The following XIRP2 variants were observed in gnomAD, a reference collection of about 807,000 sequenced individuals.
XIRP2 encodes the protein xin actin-binding repeat-containing protein 2.
A neutral mutation model predicts 277.0 loss-of-function variants in XIRP2; 236 were observed. The ratio of observed to expected loss-of-function variants is 0.85; its 90% CI spans 0.77 to 0.95. XIRP2 has a LOEUF of 0.95. Ranked by LOEUF, XIRP2 falls within the 40% of genes least tolerant of loss-of-function variation. XIRP2 has a pLI of 0.00. For missense variants in XIRP2, 4,640 were observed against 4,157.5 expected (o/e 1.12, Z -3.19); for synonymous variants, 1,490 against 1,416.5 (o/e 1.05, Z -1.17).
intron 2 of XIRP2, among the ~76,000 whole-genome samples, chr2:167,109,963 G>A (rs1421182247): frequency 1.3e-5 from 2 of 152,064 alleles, no homozygotes; most frequent in Admixed American, 1.3e-4. Context: ...TTGGCCACAT[G>A]TATGTCTTCT....
At chr2:166,987,774 AAG>A (rs1390906612) in intron 2 of XIRP2, among the ~76,000 whole-genome samples, 1 of 152,208 alleles carries the variant, frequency 6.6e-6, no homozygotes, top group Non-Finnish European at 1.5e-5. Flanking sequence ...GGTCTACTTG[AAG>A]GAGTTCTCAA....
intron 2 of XIRP2, among the ~76,000 whole-genome samples, chr2:167,126,461 A>G (rs1249168611): frequency 6.6e-6 from 1 of 152,134 alleles, no homozygotes; most frequent in African/African-American, 2.4e-5. Context: ...AAGGTACATT[A>G]CACAGGAGCA....
Position 167,179,323 on chromosome 2 carries a change from GT to G in XIRP2, c.563-31397del, listed in dbSNP as rs374760800. On this transcript the variant is annotated intron_variant, in intron 3 of 10. Coordinates refer to ENST00000409195, the MANE Select transcript of XIRP2 (RefSeq NM_152381.6). Reference sequence around the variant, plus strand: ...ACATTAATCATTTTCTTTTTTTCTTGTTTTTTTTTTTTTTTGAGACAAAGTC... The same window carrying G: ...ACATTAATCATTTTCTTTTTTTCTTGTTTTTTTTTTTTTTGAGACAAAGTC... Among the ~76,000 whole-genome samples the G allele has an allele frequency of 4.1e-3, 499 of 120,444 alleles. 4 individuals carry two copies. The highest frequency in any genetic ancestry group is 0.012 in the African/African-American group (372 of 31,650). 79.0% of individuals were successfully genotyped at this position (120,444 alleles called of 152,430 possible).
At chr2:167,010,512 C>G (rs934529794) in intron 2 of XIRP2, among the ~76,000 whole-genome samples, 1 of 152,028 alleles carries the variant, frequency 6.6e-6, no homozygotes, top group Non-Finnish European at 1.5e-5. Flanking sequence ...GTGATGCCTC[C>G]AGCTTTGTTC....
At chr2:166,938,805 A>G (rs1339062767) in intron 2 of XIRP2, among the ~76,000 whole-genome samples, 1 of 152,108 alleles carries the variant, frequency 6.6e-6, no homozygotes, top group Non-Finnish European at 1.5e-5. Context: ...TATATTTAGG[A>G]TAGTTAGCTC....
intron 2 of XIRP2, among the ~76,000 whole-genome samples, chr2:167,037,513 T>TGGGG (rs201439550): frequency 3.1e-4 from 42 of 136,676 alleles, no homozygotes; most frequent in Middle Eastern, 7.5e-3. Context: ...TTTTTTCATG[T>TGGGG]GGGGGGTGTG....
chr2:167,057,047 G>A (rs149453157), intron 2 of XIRP2, among the ~76,000 whole-genome samples: 1 of 152,164 alleles, frequency 6.6e-6, no homozygotes, highest in African/African-American at 2.4e-5. Flanking sequence ...GAGTTGGCTT[G>A]GTATATTTAA....
intron 4 of XIRP2, among the ~76,000 whole-genome samples, chr2:167,214,908 C>T (rs773265994): frequency 1.3e-5 from 2 of 151,986 alleles, no homozygotes; most frequent in Non-Finnish European, 2.9e-5. Context: ...TGAGAGGCAA[C>T]CTGTCCAGTA....
intron 2 of XIRP2, among the ~76,000 whole-genome samples, chr2:167,085,988 A>ACGAT (rs1689929682): frequency 6.6e-6 from 1 of 151,458 alleles, no homozygotes; most frequent in African/African-American, 2.4e-5. Flanking sequence ...TGTCATTATG[A>ACGAT]TGTTAGCTGG....
chr2:167,245,915 G>C lies in XIRP2; in HGVS notation c.4523G>C (p.Gly1508Ala). 6.2e-7 allele frequency: 1 copy of C among 1,613,640 alleles called. No individual in the cohort carries two copies. Among genetic ancestry groups the C allele is most frequent in the Non-Finnish European group, 8.5e-7 (1 of 1,179,740 alleles). The change falls in exon 9 of 11, where the codon GGT becomes GCT. Residue 1508 changes from glycine (G) to alanine (A), a missense_variant. By Grantham distance (60) the Gly-to-Ala change is moderately conservative. Coordinates refer to ENST00000409195, the MANE Select transcript of XIRP2 (RefSeq NM_152381.6). ...GATTCTATTATGGAAGCACATAAAG[G>C]TATCACAAAAATGACCAAGGAAGAA... ...TFDSIMEAHK[G>A]ITKMTKEEIP...
chr2:167,217,878 T>G (rs536279004), intron 4 of XIRP2, among the ~76,000 whole-genome samples: 85 of 152,266 alleles, frequency 5.6e-4, no homozygotes, highest in African/African-American at 1.9e-3. Context: ...CCGTGCAATC[T>G]AATAGGTCTT....
chr2:166,950,127 A>C lies in XIRP2; in HGVS notation c.408+46237A>C, dbSNP rs564147348. Reference sequence around the variant, plus strand: ...ATGGCTAGCAGTCCCTTAAAATTCTAAGATATTACTCTACACTGAATAATT... The same window carrying C: ...ATGGCTAGCAGTCCCTTAAAATTCTCAGATATTACTCTACACTGAATAATT... On this transcript the variant is annotated intron_variant, in intron 2 of 10. Transcript: ENST00000409195. Among the ~76,000 whole-genome samples, 164 of 152,194 alleles carry C rather than the reference A, an allele frequency of 1.1e-3. 1 individual carries two copies. Among genetic ancestry groups the C allele is most frequent in the Non-Finnish European group, 9.3e-4 (63 of 67,964 alleles).
At chr2:166,893,441 G>A (rs141058926) in intron 1 of XIRP2, among the ~76,000 whole-genome samples, 294 of 152,062 alleles carry the variant, frequency 1.9e-3, no homozygotes, top group Admixed American at 3.6e-3. Context: ...TCCTTTCTGC[G>A]TATCTCTTTA....
At chr2:167,161,315 G>T (rs1265406928) in intron 3 of XIRP2, among the ~76,000 whole-genome samples, 1 of 152,254 alleles carries the variant, frequency 6.6e-6, no homozygotes, top group Non-Finnish European at 1.5e-5. Flanking sequence ...TAGGGGCTCT[G>T]TGTGGGTGCT....
chr2:167,054,271 GA>G (rs1688989603), intron 2 of XIRP2, among the ~76,000 whole-genome samples: 1 of 152,106 alleles, frequency 6.6e-6, no homozygotes, highest in East Asian at 1.9e-4. Context: ...TAGATGCTGT[GA>G]AGATTTTGAT....
chr2:166,930,525 T>C (rs940131848), intron 2 of XIRP2, among the ~76,000 whole-genome samples: 1 of 152,188 alleles, frequency 6.6e-6, no homozygotes, highest in South Asian at 2.1e-4. Context: ...CAATAAATTG[T>C]TGAATATGCC....
intron 2 of XIRP2, among the ~76,000 whole-genome samples, chr2:167,110,965 C>T (rs145042562): frequency 2.2e-3 from 338 of 152,110 alleles, no homozygotes; most frequent in African/African-American, 7.3e-3. Context: ...TGATTTGGCT[C>T]TAGGCTTGGA....
intron 2 of XIRP2, among the ~76,000 whole-genome samples, chr2:167,121,703 T>C (rs935660977): frequency 2.0e-5 from 3 of 151,946 alleles, no homozygotes; most frequent in African/African-American, 7.2e-5. Context: ...AGTTGCAGAA[T>C]TTTATTCTTG....
intron 3 of XIRP2, among the ~76,000 whole-genome samples, chr2:167,144,126 A>C (rs924199910): frequency 2.6e-5 from 4 of 152,088 alleles, no homozygotes; most frequent in African/African-American, 9.7e-5. Flanking sequence ...TAAAATATAT[A>C]ATATACATAA....
Sources: allele counts gnomAD v4.1 joint callset (sites outside exome capture counted in the v4.1 genomes callset), GRCh38; gene constraint gnomAD v4.1.1; transcripts MANE v1.5; gene names NCBI Gene and HGNC (gene_info 2026-07-23, HGNC 2026-07-21).